SLC36A1: variants seen among roughly 807,000 people sequenced by gnomAD.
The protein encoded by SLC36A1 is proton-coupled amino acid transporter 1.
In SLC36A1, 30 loss-of-function variants were observed where a neutral mutation model predicts 47.5. That is an observed-to-expected ratio of 0.63 (90% CI 0.47 to 0.86). The LOEUF is 0.86. Ranked by LOEUF, SLC36A1 falls within the 40% of genes least tolerant of loss-of-function variation. SLC36A1 has a pLI of 0.00. For synonymous variants in SLC36A1, 255 were observed against 249.7 expected (o/e 1.02, Z -0.20); for missense variants, 517 against 606.0 (o/e 0.85, Z 1.54).
At chr5:151,544,665 C>T in the SLC36A1 span, 2 of 1,614,132 alleles carry the variant, frequency 1.2e-6, no homozygotes, top group Admixed American at 3.3e-5. Context: ...CTTCCTCACT[C>T]TGGAGGGATG....
chr5:151,386,126 C>G, the SLC36A1 span, among the ~76,000 whole-genome samples: 1 of 152,090 alleles, frequency 6.6e-6, no homozygotes, highest in African/African-American at 2.4e-5. Flanking sequence ...GATCCACCTG[C>G]CTCAGCCTCC....
the SLC36A1 span, chr5:151,525,768 C>A: frequency 6.2e-7 from 1 of 1,614,182 alleles, no homozygotes; most frequent in Non-Finnish European, 8.5e-7. Flanking sequence ...CAGCTCTCAC[C>A]TGGATCTGAA....
At chr5:151,500,011 C>A in the SLC36A1 span, among the ~76,000 whole-genome samples, 5 of 152,098 alleles carry the variant, frequency 3.3e-5, no homozygotes, top group African/African-American at 4.8e-5. Context: ...TCGGGAGAGG[C>A]CTGGGGTTGA....
chr5:151,468,584 T>A (rs1249736387), intron 7 of SLC36A1, among the ~76,000 whole-genome samples: 1 of 151,344 alleles, frequency 6.6e-6, no homozygotes, highest in Non-Finnish European at 1.5e-5. Context: ...CTGTGCATTG[T>A]GGGGTGTTTA....
the SLC36A1 span, among the ~76,000 whole-genome samples, chr5:151,538,508 G>A: frequency 0.61 from 93,025 of 151,878 alleles, 28,837 homozygotes; most frequent in African/African-American, 0.71. Context: ...TGCAGGTACC[G>A]TCATGGCATC....
the SLC36A1 span, among the ~76,000 whole-genome samples, chr5:151,388,214 G>A: frequency 6.6e-6 from 1 of 152,038 alleles, no homozygotes; most frequent in African/African-American, 2.4e-5. Context: ...TGCATGATAA[G>A]AACCTTGGTC....
At chr5:151,515,838 T>C in the SLC36A1 span, among the ~76,000 whole-genome samples, 1 of 152,216 alleles carries the variant, frequency 6.6e-6, no homozygotes, top group Non-Finnish European at 1.5e-5. Flanking sequence ...AAAGAAGCCA[T>C]GATGACCCTT....
Position 151,488,147 on chromosome 5 carries a change from A to G in SLC36A1, c.1324A>G (p.Ile442Val). 1.9e-6 allele frequency: 3 copies of G among 1,614,188 alleles called. No individual in the cohort carries two copies. The highest frequency in any genetic ancestry group is 2.5e-6 in the Non-Finnish European group (3 of 1,180,022). Reference sequence around the variant, plus strand: ...CATCTTTAAGGACGCCCTGATCAGCATCCTGGGCTTCGTGGGCTTTGTGGT... The same window carrying G: ...CATCTTTAAGGACGCCCTGATCAGCGTCCTGGGCTTCGTGGGCTTTGTGGT... ...LTIFKDALIS[I>V]LGFVGFVVGT... The change falls in exon 11 of 11, where the codon ATC (isoleucine) becomes GTC (valine). Residue 442 changes from isoleucine (I) to valine (V), a missense_variant. Coordinates refer to ENST00000243389, the MANE Select transcript of SLC36A1 (RefSeq NM_078483.4).
the SLC36A1 span, among the ~76,000 whole-genome samples, chr5:151,397,764 C>CAAAAA: frequency 9.0e-5 from 4 of 44,286 alleles, no homozygotes; most frequent in African/African-American, 8.9e-5. Context: ...AACTCCAACT[C>CAAAAA]AAAAAAAAAA....
the SLC36A1 span, among the ~76,000 whole-genome samples, chr5:151,399,084 A>ATATATATATATATATATAT: frequency 1.3e-4 from 8 of 60,036 alleles, no homozygotes; most frequent in African/African-American, 2.8e-4. Context: ...ATATATATAT[A>ATATATATATATATATATAT]TTTTTTTTTT....
At chr5:151,550,673 G>T in the SLC36A1 span, 5 of 1,614,216 alleles carry the variant, frequency 3.1e-6, no homozygotes, top group Middle Eastern at 1.6e-4. Context: ...CTTGGGTCCA[G>T]CTGGAAGAGG....
the SLC36A1 span, chr5:151,380,692 A>C: frequency 1.8e-6 from 1 of 551,040 alleles, no homozygotes; most frequent in Non-Finnish European, 3.7e-6. Context: ...GCAACTGAAA[A>C]CTCAGATCGG....
chr5:151,401,074 T>C, the SLC36A1 span, among the ~76,000 whole-genome samples: 1 of 152,220 alleles, frequency 6.6e-6, no homozygotes, highest in South Asian at 2.1e-4. Context: ...TTTGAGGGCT[T>C]AGTCATAAAT....
At chr5:151,455,328 A>G (rs1042125940) in intron 1 of SLC36A1, among the ~76,000 whole-genome samples, 2 of 148,440 alleles carry the variant, frequency 1.3e-5, no homozygotes, top group Admixed American at 6.7e-5. Context: ...ATCAACCAGA[A>G]CTCCCAAGCA....
At chr5:151,512,799 A>C in the SLC36A1 span, 1 of 599,874 alleles carries the variant, frequency 1.7e-6, no homozygotes, top group Non-Finnish European at 2.9e-6. This position sits in a 1 kb window ranked among gnomAD's most constrained non-coding sequence, Gnocchi z 4.1. Flanking sequence ...CTTTGTTCTC[A>C]CCACACCCCA....
At chr5:151,499,958 T>A in the SLC36A1 span, among the ~76,000 whole-genome samples, 10 of 151,984 alleles carry the variant, frequency 6.6e-5, no homozygotes, top group African/African-American at 2.4e-4. Context: ...TCAAAGTTGC[T>A]GTGCCACTCT....
the SLC36A1 span, among the ~76,000 whole-genome samples, chr5:151,368,063 T>C: frequency 6.6e-6 from 1 of 152,232 alleles, no homozygotes; most frequent in African/African-American, 2.4e-5. Flanking sequence ...CCACCTGCAT[T>C]TGATTTGAGC....
chr5:151,377,348 T>TTTC, the SLC36A1 span, among the ~76,000 whole-genome samples: 2 of 84,104 alleles, frequency 2.4e-5, no homozygotes, highest in African/African-American at 6.2e-5. Flanking sequence ...TGTCTCTTTC[T>TTTC]TTTTTTTTTT....
At chr5:151,531,135 G>A in the SLC36A1 span, among the ~76,000 whole-genome samples, 2 of 152,150 alleles carry the variant, frequency 1.3e-5, no homozygotes, top group East Asian at 3.9e-4. This position sits in a 1 kb window ranked among gnomAD's most constrained non-coding sequence, Gnocchi z 5.7. Flanking sequence ...GAGAATAAGG[G>A]AAAATTAAGG....
Sources: gnomAD v4.1 joint callset for allele counts (sites outside exome capture counted in the v4.1 genomes callset) on GRCh38, gnomAD v4.1.1 for gene constraint, Gnocchi (gnomAD v3.1) non-coding constraint, MANE v1.5 for transcripts, NCBI Gene and HGNC (gene_info 2026-07-23, HGNC 2026-07-21) for gene names.